The following MSRA variants were observed in gnomAD, a reference collection of about 807,000 sequenced individuals.
The protein encoded by MSRA is methionine sulfoxide reductase A.
MSRA carries 54 observed loss-of-function variants against 31.3 expected under a neutral mutation model. That is an observed-to-expected ratio of 1.73 (90% CI 1.39 to 2.17). The LOEUF (loss-of-function observed/expected upper bound fraction) is 2.17, where lower values mean the gene tolerates loss of function less well. Among genes scored for constraint, MSRA ranks in the 30% most tolerant of loss-of-function variants. The pLI is 0.00. For missense variants in MSRA, 507 were observed against 300.9 expected (o/e 1.69, Z -5.07); for synonymous variants, 169 against 116.5 (o/e 1.45, Z -2.90).
At chr8:10,063,579 G>A (rs12155541) in intron 1 of MSRA, among the ~76,000 whole-genome samples, 1 of 151,948 alleles carries the variant, frequency 6.6e-6, no homozygotes, top group Admixed American at 6.5e-5. Flanking sequence ...TGGGGGATTA[G>A]GAGGTGGGGG....
intron 1 of MSRA, among the ~76,000 whole-genome samples, chr8:10,159,325 G>A (rs895317298): frequency 3.9e-5 from 6 of 152,230 alleles, no homozygotes; most frequent in African/African-American, 1.2e-4. Flanking sequence ...TGGAGGGGTT[G>A]AGTTTGCATT....
intron 1 of MSRA, among the ~76,000 whole-genome samples, chr8:10,206,618 C>T (rs976810519): frequency 1.3e-5 from 2 of 152,116 alleles, no homozygotes; most frequent in Admixed American, 6.5e-5. Flanking sequence ...TTCTCTGGCC[C>T]GGGAAGATGA....
intron 1 of MSRA, among the ~76,000 whole-genome samples, chr8:10,189,030 T>C (rs1382360482): frequency 2.6e-5 from 4 of 152,220 alleles, no homozygotes; most frequent in Non-Finnish European, 5.9e-5. Flanking sequence ...CTATATGCTT[T>C]AATTTCTCTC....
Position 10,354,750 on chromosome 8 carries a change from G to GTGTATATA in MSRA, c.543+34762_543+34763insGTATATAT, listed in dbSNP as rs371336632. ...TTATGTAATATGTGTGTGTGTGTGTGTATATATATATATATATATATATAT... is the reference window on the plus strand; with the variant it reads ...TTATGTAATATGTGTGTGTGTGTGTGTGTATATATATATATATATATATATATATATAT... On this transcript the variant is annotated intron_variant, in intron 5 of 5. Transcript: ENST00000317173. Among the ~76,000 whole-genome samples the GTGTATATA allele has an allele frequency of 8.2e-3, 1,138 of 138,314 alleles. 12 individuals carry two copies. The highest frequency in any genetic ancestry group is 0.024 in the African/African-American group (860 of 36,176). The allele number at this position is 138,314 out of a possible 152,430, so 90.7% of individuals were successfully genotyped here. A position where few individuals can be genotyped will look rare whatever the true frequency, so the allele number is the denominator to read the frequency against.
chr8:10,086,538 C>T (rs1039615286), intron 1 of MSRA, among the ~76,000 whole-genome samples: 1 of 152,182 alleles, frequency 6.6e-6, no homozygotes, highest in African/African-American at 2.4e-5. Context: ...CTGGACAAGT[C>T]ACATAGTTTC....
Position 10,100,065 on chromosome 8 carries a change from T to C in MSRA, c.142+45407T>C, listed in dbSNP as rs1239863353. On this transcript the variant is annotated intron_variant, in intron 1 of 5. Coordinates refer to ENST00000317173, the MANE Select transcript of MSRA (RefSeq NM_012331.5). ...GCTGCCCAGCAAGCAGCTTCAGTCCTGTTGTAGCTGCAGCACTAGGGGCCT... is the reference window on the plus strand; with the variant it reads ...GCTGCCCAGCAAGCAGCTTCAGTCCCGTTGTAGCTGCAGCACTAGGGGCCT... Among the ~76,000 whole-genome samples the C allele has an allele frequency of 2.6e-5, 4 of 152,170 alleles. No homozygotes were observed. In the East Asian group the frequency reaches 7.7e-4, roughly 29 times the overall value.
intron 1 of MSRA, among the ~76,000 whole-genome samples, chr8:10,094,687 A>G (rs1799032824): frequency 6.6e-6 from 1 of 152,244 alleles, no homozygotes; most frequent in South Asian, 2.1e-4. Flanking sequence ...CATCATAGGT[A>G]AAAATGATTT....
intron 1 of MSRA, among the ~76,000 whole-genome samples, chr8:10,178,487 G>A (rs73191548): frequency 0.34 from 52,384 of 151,964 alleles, 9,296 homozygotes; most frequent in South Asian, 0.51. Flanking sequence ...GAAAGTAATT[G>A]AAAAAAACTG....
intron 2 of MSRA, among the ~76,000 whole-genome samples, chr8:10,229,234 C>A (rs868641291): frequency 1.8e-5 from 2 of 109,950 alleles, no homozygotes; most frequent in Non-Finnish European, 2.5e-5. Context: ...GCTGGTGATA[C>A]TGAGCAGGAG....
intron 3 of MSRA, among the ~76,000 whole-genome samples, chr8:10,274,209 C>G (rs1799198870): frequency 6.6e-6 from 1 of 152,180 alleles, no homozygotes; most frequent in African/African-American, 2.4e-5. Flanking sequence ...TTCTAACATG[C>G]TAGTGTAGTT....
chr8:10,318,052 G>T (rs773804460), intron 4 of MSRA, among the ~76,000 whole-genome samples: 3 of 152,178 alleles, frequency 2.0e-5, no homozygotes, highest in African/African-American at 4.8e-5. Flanking sequence ...TGGGCCTTGG[G>T]CTGGGATGCC....
At chr8:10,281,582 G>A (rs971826107) in intron 3 of MSRA, among the ~76,000 whole-genome samples, 3 of 152,200 alleles carry the variant, frequency 2.0e-5, no homozygotes, top group South Asian at 2.1e-4. Flanking sequence ...CCAGTACACC[G>A]CATATAACAC....
intron 3 of MSRA, among the ~76,000 whole-genome samples, chr8:10,256,490 G>A (rs1480524091): frequency 6.6e-6 from 1 of 152,180 alleles, no homozygotes; most frequent in Non-Finnish European, 1.5e-5. Flanking sequence ...GAGTGGGGGA[G>A]GCCTGGAGGC....
At chr8:10,387,402 A>T (rs557256585) in intron 5 of MSRA, among the ~76,000 whole-genome samples, 1 of 152,344 alleles carries the variant, frequency 6.6e-6, no homozygotes, top group South Asian at 2.1e-4. Context: ...ATACCCATGT[A>T]TTAATGTGCA....
chr8:10,154,628 C>T (rs1300356973), intron 1 of MSRA, among the ~76,000 whole-genome samples: 5 of 152,136 alleles, frequency 3.3e-5, no homozygotes, highest in Admixed American at 2.6e-4. Context: ...CCACCCACCT[C>T]GGCCTCCCAA....
chr8:10,174,670 C>G (rs936690199), intron 1 of MSRA, among the ~76,000 whole-genome samples: 1 of 152,070 alleles, frequency 6.6e-6, no homozygotes, highest in Non-Finnish European at 1.5e-5. Context: ...GCAGTCTTGT[C>G]CCCATCCGCC....
chr8:10,084,324 C>T (rs554754466), intron 1 of MSRA, among the ~76,000 whole-genome samples: 118 of 152,366 alleles, frequency 7.7e-4, no homozygotes, highest in African/African-American at 2.7e-3. Context: ...TCCTGCTTTG[C>T]GGCCCTCTGC....
chr8:10,191,452 A>G (rs545164617), intron 1 of MSRA, among the ~76,000 whole-genome samples: 29 of 152,356 alleles, frequency 1.9e-4, no homozygotes, highest in African/African-American at 6.0e-4. Context: ...TAACTTCCCC[A>G]AACAAAACAG....
At chr8:10,233,808 T>C (rs1585232312) in intron 2 of MSRA, among the ~76,000 whole-genome samples, 1 of 152,170 alleles carries the variant, frequency 6.6e-6, no homozygotes, top group Non-Finnish European at 1.5e-5. Context: ...GAAATGAAGA[T>C]GTGAATCATC....
Sources: gnomAD v4.1 joint callset for allele counts (sites outside exome capture counted in the v4.1 genomes callset) on GRCh38, gnomAD v4.1.1 for gene constraint, MANE v1.5 for transcripts, NCBI Gene and HGNC (gene_info 2026-07-23, HGNC 2026-07-21) for gene names.